GLT8D2: variants seen among roughly 807,000 people sequenced by gnomAD.
GLT8D2 encodes glycosyltransferase 8 domain-containing protein 2.
In GLT8D2, 45 loss-of-function variants were observed where a neutral mutation model predicts 44.5. The observed-to-expected ratio is 1.01, with a 90% CI of 0.80 to 1.30. GLT8D2 has a LOEUF of 1.30. Ranked by LOEUF, GLT8D2 falls within the 50% of genes most tolerant of loss-of-function variation. The probability of loss-of-function intolerance (pLI) is 0.00; values close to 1 mark genes in which losing one functional copy is unlikely to be tolerated. For synonymous variants in GLT8D2, 156 were observed against 157.2 expected (o/e 0.99, Z 0.06); for missense variants, 400 against 430.4 (o/e 0.93, Z 0.62).
At chr12:104,009,056 C>G (rs527353104) in intron 4 of GLT8D2, among the ~76,000 whole-genome samples, 27 of 152,330 alleles carry the variant, frequency 1.8e-4, no homozygotes, top group African/African-American at 6.5e-4. Flanking sequence ...GGGGTCAGAG[C>G]CCCCACGCAG....
At chr12:104,015,437 A>ACACAC (rs1373206430) in intron 3 of GLT8D2, among the ~76,000 whole-genome samples, 2,643 of 80,940 alleles carry the variant, frequency 0.033, 89 homozygotes, top group African/African-American at 0.089. Context: ...CACACACACA[A>ACACAC]ATTAGCTGGG....
chr12:104,062,751 A>G (rs1390021237), intron 1 of GLT8D2, among the ~76,000 whole-genome samples: 1 of 152,192 alleles, frequency 6.6e-6, no homozygotes, highest in East Asian at 1.9e-4. Flanking sequence ...CTGGGATTAC[A>G]GGTGTGAGTC....
At chr12:104,037,436 G>T (rs1368397219) in intron 1 of GLT8D2, among the ~76,000 whole-genome samples, 1 of 151,988 alleles carries the variant, frequency 6.6e-6, no homozygotes, top group Non-Finnish European at 1.5e-5. Context: ...GAAGAAAAGG[G>T]AGAAGAATCA....
chr12:103,989,489 G>A lies in GLT8D2; in HGVS notation c.969C>T (p.Phe323=). The change falls in exon 11 of 11, where the codon TTC becomes TTT. Residue 323 remains phenylalanine (F), a synonymous_variant. Coordinates refer to ENST00000360814, the MANE Select transcript of GLT8D2 (RefSeq NM_001384711.1). ...CCCATAAGTCGTTGTGAACACTAGGGAAGTCCCAAGGTTTATGTCTTCCAT... is the reference window on the plus strand; with the variant it reads ...CCCATAAGTCGTTGTGAACACTAGGAAAGTCCCAAGGTTTATGTCTTCCAT... ...HWNGRHKPWD[F]PSVHNDLWES... is the part of the protein sequence containing the mutation. 1.2e-6 allele frequency: 2 copies of A among 1,613,770 alleles called. No individual in the cohort carries two copies. The highest frequency in any genetic ancestry group is 1.7e-6 in the Non-Finnish European group (2 of 1,179,764).
At chr12:104,007,265 T>TCTCTCTCCCC (rs377119502) in intron 4 of GLT8D2, among the ~76,000 whole-genome samples, 1 of 136,284 alleles carries the variant, frequency 7.3e-6, no homozygotes, top group Non-Finnish European at 1.6e-5. Flanking sequence ...TCTCTCTCTC[T>TCTCTCTCCCC]CCCCCCGCTC....
intron 1 of GLT8D2, among the ~76,000 whole-genome samples, chr12:104,022,937 T>C (rs1364748453): frequency 2.6e-5 from 4 of 152,310 alleles, no homozygotes; most frequent in African/African-American, 9.6e-5. Flanking sequence ...AAGAGGCATA[T>C]TAACTAGATG....
chr12:104,005,521 C>T (rs1308008548), intron 4 of GLT8D2, among the ~76,000 whole-genome samples: 3 of 152,024 alleles, frequency 2.0e-5, no homozygotes, highest in Non-Finnish European at 2.9e-5. Flanking sequence ...ACAAAGAACT[C>T]AAACAAATTT....
chr12:104,046,732 A>C (rs1364460371), intron 1 of GLT8D2, among the ~76,000 whole-genome samples: 1 of 152,232 alleles, frequency 6.6e-6, no homozygotes, highest in South Asian at 2.1e-4. Context: ...AGGACTCAGG[A>C]GTCTGTCCTC....
At chr12:103,992,939 C>G (rs1872947223) in intron 10 of GLT8D2, among the ~76,000 whole-genome samples, 1 of 152,194 alleles carries the variant, frequency 6.6e-6, no homozygotes, top group Admixed American at 6.5e-5. Flanking sequence ...CACTGAGGGT[C>G]AAGTCATTTG....
chr12:104,031,535 A>G, intron 1 of GLT8D2: 1 of 1,612,378 alleles, frequency 6.2e-7, no homozygotes, highest in Non-Finnish European at 8.5e-7. Context: ...GGGCAAGGCC[A>G]AGAAGTGAAG....
chr12:103,998,219 A>C (rs1873723048), intron 6 of GLT8D2, among the ~76,000 whole-genome samples: 1 of 150,092 alleles, frequency 6.7e-6, no homozygotes, highest in African/African-American at 2.5e-5. Flanking sequence ...AACTGCTATC[A>C]AAAACACCAC....
intron 1 of GLT8D2, among the ~76,000 whole-genome samples, chr12:104,056,935 G>C (rs1012351711): frequency 6.6e-6 from 1 of 152,208 alleles, no homozygotes; most frequent in African/African-American, 2.4e-5. Flanking sequence ...ATGGACGATA[G>C]AATTTGCCAA....
At chr12:104,024,408 C>T (rs1238907610) in intron 1 of GLT8D2, among the ~76,000 whole-genome samples, 3 of 151,444 alleles carry the variant, frequency 2.0e-5, no homozygotes, top group East Asian at 3.9e-4. Context: ...ACTCCAGCCC[C>T]GGTGACAGAG....
At chr12:104,051,026 G>A (rs1332386470), upstream of GLT8D2, among the ~76,000 whole-genome samples, 1 of 152,012 alleles carries the variant, frequency 6.6e-6, no homozygotes, top group Non-Finnish European at 1.5e-5. Context: ...TGTTGGCCAG[G>A]CTGGTCTCAA....
chr12:104,014,294 G>T (rs1483800352), intron 4 of GLT8D2: 1 of 700,842 alleles, frequency 1.4e-6, no homozygotes, highest in Admixed American at 2.0e-5. Context: ...GGTCGAGGCT[G>T]CAGGGAGCTG....
At chr12:104,047,352 T>C (rs1159908470) in intron 1 of GLT8D2, among the ~76,000 whole-genome samples, 1 of 148,232 alleles carries the variant, frequency 6.7e-6, no homozygotes, top group Non-Finnish European at 1.5e-5. Context: ...TTGCCCAGGC[T>C]GGAGTGCAAT....
chr12:104,022,764 ACACACATGCACACACACACACACATG>A lies in GLT8D2; in HGVS notation c.-163-1299_-163-1274del, dbSNP rs1190498486. Among the ~76,000 whole-genome samples, 364 of 151,792 alleles carry A rather than the reference ACACACATGCACACACACACACACATG, an allele frequency of 2.4e-3. 1 individual carries two copies. Among genetic ancestry groups the A allele is most frequent in the African/African-American group, 8.6e-3 (356 of 41,392 alleles). ...CAGGAGATTCTACACACACACACAC[ACACACATGCACACACACACACACATG>A]CACACACACACACGATGCATTATAT... On this transcript the variant is annotated intron_variant, in intron 1 of 10. Coordinates refer to ENST00000360814, the MANE Select transcript of GLT8D2 (RefSeq NM_001384711.1).
chr12:104,050,940 G>A (rs1258608540), upstream of GLT8D2, among the ~76,000 whole-genome samples: 2 of 147,594 alleles, frequency 1.4e-5, no homozygotes, highest in Non-Finnish European at 3.0e-5. Context: ...TCAGCCTCCC[G>A]AGTAGCTGGG....
At chr12:104,015,864 G>A (rs560426201) in intron 3 of GLT8D2, among the ~76,000 whole-genome samples, 9 of 152,086 alleles carry the variant, frequency 5.9e-5, no homozygotes, top group Non-Finnish European at 1.0e-4. Flanking sequence ...TTAGCTGGGC[G>A]TGATGGTGCA....
Sources: allele counts gnomAD v4.1 joint callset (sites outside exome capture counted in the v4.1 genomes callset), GRCh38; gene constraint gnomAD v4.1.1; transcripts MANE v1.5; gene names NCBI Gene and HGNC (gene_info 2026-07-23, HGNC 2026-07-21).